TPD52: variants seen among roughly 807,000 people sequenced by gnomAD.
TPD52 encodes the protein tumor protein D52.
In TPD52, 17 loss-of-function variants were observed where a neutral mutation model predicts 31.3. The observed-to-expected ratio is 0.54, with a 90% CI of 0.37 to 0.82. TPD52 has a LOEUF of 0.82. Among genes scored for constraint, TPD52 ranks in the 40% least tolerant of loss-of-function variants. TPD52 has a pLI of 0.00. For synonymous variants in TPD52, 83 were observed against 89.6 expected (o/e 0.93, Z 0.42); for missense variants, 212 against 240.1 (o/e 0.88, Z 0.77).
chr8:80,144,677 T>C (rs1484879651), intron 1 of TPD52, among the ~76,000 whole-genome samples: 1 of 152,204 alleles, frequency 6.6e-6, no homozygotes, highest in African/African-American at 2.4e-5. Flanking sequence ...AAAAACACCT[T>C]TTCTATCAGA....
chr8:80,166,344 C>T (rs1167843503), intron 1 of TPD52, among the ~76,000 whole-genome samples: 2 of 151,852 alleles, frequency 1.3e-5, no homozygotes, highest in Non-Finnish European at 2.9e-5. Context: ...GCGATTCTCC[C>T]GCCTCAGCTT....
At chr8:80,164,984 T>C (rs1811622155) in intron 1 of TPD52, among the ~76,000 whole-genome samples, 3 of 141,674 alleles carry the variant, frequency 2.1e-5, no homozygotes, top group African/African-American at 5.3e-5. Context: ...AAAAAAGGTA[T>C]GACAAACTAG....
At chr8:80,101,448 C>CAAAAAAAAAAAAAAAA (rs113660828) in intron 1 of TPD52, among the ~76,000 whole-genome samples, 1 of 114,656 alleles carries the variant, frequency 8.7e-6, no homozygotes, top group African/African-American at 2.9e-5. Flanking sequence ...ACTCCCAGCT[C>CAAAAAAAAAAAAAAAA]AAAAAAAAAA....
At chr8:80,121,455 A>G (rs1358175869) in intron 1 of TPD52, among the ~76,000 whole-genome samples, 1 of 152,220 alleles carries the variant, frequency 6.6e-6, no homozygotes, top group Non-Finnish European at 1.5e-5. Context: ...ACGAGCTCTC[A>G]GAGAGTTTTA....
At chr8:80,076,023 T>C (rs1814494887) in intron 1 of TPD52, among the ~76,000 whole-genome samples, 1 of 152,240 alleles carries the variant, frequency 6.6e-6, no homozygotes, top group Non-Finnish European at 1.5e-5. Flanking sequence ...AATATGATCG[T>C]GTTAAACTAA....
At chr8:80,108,308 T>C (rs1807271955) in intron 1 of TPD52, among the ~76,000 whole-genome samples, 2 of 152,344 alleles carry the variant, frequency 1.3e-5, no homozygotes, top group South Asian at 4.1e-4. Context: ...GTGACTTAAA[T>C]ATAAATGGAA....
chr8:80,162,930 C>T (rs971722060), intron 1 of TPD52, among the ~76,000 whole-genome samples: 4 of 145,708 alleles, frequency 2.7e-5, no homozygotes, highest in African/African-American at 7.8e-5. Context: ...TGTCTCAAAA[C>T]ACAACAAAAC....
intron 2 of TPD52, among the ~76,000 whole-genome samples, 194 bp downstream of exon 2, chr8:80,064,284 T>C (rs1277925335): frequency 6.6e-6 from 1 of 152,158 alleles, no homozygotes; most frequent in Non-Finnish European, 1.5e-5. Flanking sequence ...TATATACTTT[T>C]TTCTCATATA....
chr8:80,071,512 C>A (rs1359358382), intron 1 of TPD52, among the ~76,000 whole-genome samples: 1 of 152,124 alleles, frequency 6.6e-6, no homozygotes, highest in Admixed American at 6.5e-5. Flanking sequence ...CTTCCACCTC[C>A]CTTCCACTAA....
At chr8:80,088,055 T>A (rs1159996037) in intron 1 of TPD52, among the ~76,000 whole-genome samples, 1 of 152,226 alleles carries the variant, frequency 6.6e-6, no homozygotes, top group Admixed American at 6.5e-5. Context: ...GGACAGTTCC[T>A]GTAAACCTGT....
rs926334298 is a variant in TPD52, at chr8:80,086,357, T to C, written c.20-21764A>G. On this transcript the variant is annotated intron_variant, in intron 1 of 7. Coordinates refer to ENST00000518937, the MANE Select transcript of TPD52 (RefSeq NM_001025253.3). Reference sequence around the variant, plus strand: ...TGGTCTCGATCTCCTGACCTCGTGATCCACCCGCCTCGGTCCCCCAAGGTG... The same window carrying C: ...TGGTCTCGATCTCCTGACCTCGTGACCCACCCGCCTCGGTCCCCCAAGGTG... Among the ~76,000 whole-genome samples, 5 of 151,766 alleles carry C rather than the reference T, an allele frequency of 3.3e-5. No homozygotes were observed. The East Asian group carries it at 7.8e-4, about 24-fold the overall frequency.
intron 1 of TPD52, among the ~76,000 whole-genome samples, chr8:80,163,916 A>T (rs1811527775): frequency 6.6e-6 from 1 of 152,134 alleles, no homozygotes; most frequent in Non-Finnish European, 1.5e-5. Flanking sequence ...ATAATATCCA[A>T]AACAAAAAAC....
At chr8:80,067,209 C>T (rs1240774436) in intron 1 of TPD52, 1 of 152,150 alleles carries the variant, frequency 6.6e-6, no homozygotes, top group Admixed American at 6.5e-5. Flanking sequence ...AAGAGGATGA[C>T]GGGTTGTCCA....
intron 1 of TPD52, among the ~76,000 whole-genome samples, chr8:80,126,281 T>C (rs1808588795): frequency 6.6e-6 from 1 of 152,100 alleles, no homozygotes; most frequent in Admixed American, 6.5e-5. Flanking sequence ...CTATAACTTA[T>C]TCTGGTTTTA....
chr8:80,148,317 A>AGCGTGTGTGT (rs1660270963), intron 1 of TPD52, among the ~76,000 whole-genome samples: 1 of 143,888 alleles, frequency 6.9e-6, no homozygotes. Flanking sequence ...TTCCTGGCTA[A>AGCGTGTGTGT]GTGTGTGTGT....
intron 1 of TPD52, among the ~76,000 whole-genome samples, chr8:80,170,850 G>A (rs949584246): frequency 6.6e-6 from 1 of 152,174 alleles, no homozygotes; most frequent in Non-Finnish European, 1.5e-5. Flanking sequence ...CCTACGAAAA[G>A]CTCTCTTCCC....
At chr8:80,133,965 A>G (rs1211376511) in intron 1 of TPD52, among the ~76,000 whole-genome samples, 1 of 152,222 alleles carries the variant, frequency 6.6e-6, no homozygotes, top group Non-Finnish European at 1.5e-5. Context: ...GTTGAAATTC[A>G]GATCAGAAAT....
chr8:80,171,253 A>G, intron 1 of TPD52, 172 bp downstream of exon 1: 1 of 821,188 alleles, frequency 1.2e-6, no homozygotes, highest in Non-Finnish European at 2.0e-6. Context: ...CGCTCCTTCC[A>G]GGGCCCCAGG....
intron 1 of TPD52, among the ~76,000 whole-genome samples, chr8:80,113,268 G>GAAAAAAAAAAAAAA (rs59954096): frequency 9.4e-6 from 1 of 106,108 alleles, no homozygotes. Flanking sequence ...TTGTCAAAAA[G>GAAAAAAAAAAAAAA]AAAAAAAAAA....
Sources: gnomAD v4.1 joint callset for allele counts (sites outside exome capture counted in the v4.1 genomes callset) on GRCh38, gnomAD v4.1.1 for gene constraint, MANE v1.5 for transcripts, NCBI Gene and HGNC (gene_info 2026-07-23, HGNC 2026-07-21) for gene names.